Variants in PUS7L observed in about 807,000 individuals in gnomAD.
PUS7L encodes the protein pseudouridylate synthase PUS7L.
Under a neutral mutation model 51.1 loss-of-function variants are expected in PUS7L, and 49 were observed. The observed-to-expected ratio is 0.96, with a 90% CI of 0.76 to 1.22. The LOEUF is 1.22. PUS7L is among the 50% of genes most tolerant of loss of function. PUS7L has a pLI of 0.00. For synonymous variants in PUS7L, 277 were observed against 276.2 expected (o/e 1.00, Z -0.03); for missense variants, 828 against 820.6 (o/e 1.01, Z -0.11).
rs1235375159 is a variant in PUS7L at position 43,748,497 on chromosome 12, T to C, written c.1023A>G (p.Lys341=). 2 of 1,609,576 alleles carry C rather than the reference T, an allele frequency of 1.2e-6. No homozygotes were observed. The highest frequency in any genetic ancestry group is 1.7e-6 in the Non-Finnish European group (2 of 1,178,922). ...CAACCATTGCTTGATAGGTGATGGC[T>C]TTCTTGTCTTTAAGGCCTGCATAAC... The part of the protein sequence containing the change: ...DFSYAGLKDK[K]AITYQAMVVR... Residue 341 remains lysine (K), a synonymous_variant, in exon 3 of 9, where the codon AAA becomes AAG. Transcript: ENST00000344862.
rs1318287722 is a variant in PUS7L, at chr12:43,728,361, T to G, written c.*2015A>C. The G allele has an allele frequency of 6.6e-6, 1 of 152,032 alleles. No individual in the cohort carries two copies. The highest frequency in any genetic ancestry group is 1.5e-5 in the Non-Finnish European group (1 of 67,970). 9.4% of individuals were successfully genotyped at this position (152,032 alleles called of 1,614,324 possible). A position where few individuals can be genotyped will look rare whatever the true frequency, so the allele number is the denominator to read the frequency against. On this transcript the variant is annotated 3_prime_UTR_variant, in exon 9 of 9. Transcript: ENST00000344862. The stretch of plus-strand genomic sequence containing the variant: ...TAGTGCCATCTGCAGGCAAAAAAAG[T>G]AAAATCAATGATATATTTTCATGCT...
Position 43,754,769 on chromosome 12 carries a change from A to G in PUS7L, c.477T>C (p.Pro159=), listed in dbSNP as rs1468933691. ...CAAGGATTCTGCCTATTGAGAATTC[A>G]GGAGGTAGTCCAATTAGCTCTGTTT... ...LSKTELIGLP[P]EFSIGRILDK... is the part of the protein sequence containing the mutation. The change falls in exon 2 of 9, where the codon CCT becomes CCC. Residue 159 remains proline, a synonymous_variant. Transcript: ENST00000344862. 6.2e-7 allele frequency: 1 copy of G among 1,614,032 alleles called. No homozygotes were observed. The highest frequency in any genetic ancestry group is 1.7e-5 in the Admixed American group (1 of 60,028).
chr12:43,734,853 C>T (rs1017759181), intron 7 of PUS7L, among the ~76,000 whole-genome samples: 4 of 152,156 alleles, frequency 2.6e-5, no homozygotes, highest in African/African-American at 9.7e-5. Context: ...TTTACTGTTA[C>T]ATACGAAAGT....
intron 2 of PUS7L, among the ~76,000 whole-genome samples, chr12:43,751,901 G>C (rs1024523654): frequency 6.6e-6 from 1 of 152,136 alleles, no homozygotes; most frequent in African/African-American, 2.4e-5. Flanking sequence ...ATTCTAACTG[G>C]TGTGAGATGA....
intron 7 of PUS7L, among the ~76,000 whole-genome samples, chr12:43,732,745 A>G (rs1159522848): frequency 1.3e-5 from 2 of 152,188 alleles, no homozygotes; most frequent in Non-Finnish European, 2.9e-5. Flanking sequence ...ATTTCCCCTC[A>G]ACTCTCCCTA....
At chr12:43,736,781 C>T (rs1592163350) in intron 6 of PUS7L, 120 bp from the exon 7 acceptor site, 3 of 831,584 alleles carry the variant, frequency 3.6e-6, no homozygotes, top group Middle Eastern at 3.3e-4. Context: ...ATATTCAACA[C>T]TTTCAGTTAA....
intron 2 of PUS7L, among the ~76,000 whole-genome samples, chr12:43,752,936 C>T (rs558666225): frequency 7.9e-5 from 12 of 152,222 alleles, no homozygotes; most frequent in Non-Finnish European, 1.5e-4. Flanking sequence ...TTTGAACCAT[C>T]ATTCCTCCTT....
In PUS7L at chr12:43,729,148, TTTAC is replaced by T. The variant is rs1267137467; in HGVS notation, c.*1224_*1227del. 1.3e-5 allele frequency: 5 copies of T among 397,306 alleles called. No homozygotes were observed. The highest frequency in any genetic ancestry group is 1.8e-5 in the Non-Finnish European group (4 of 225,190). The allele number at this position is 397,306 out of a possible 1,614,324, so 24.6% of individuals were successfully genotyped here. ...TTACCATCAAGTTGATACACATCAT[TTTAC>T]TTACTTTAGTTACGTAATGCTGGAC... is the stretch of plus-strand genomic sequence containing the variant. On this transcript the variant is annotated 3_prime_UTR_variant, in exon 9 of 9. Coordinates refer to ENST00000344862, the MANE Select transcript of PUS7L (RefSeq NM_031292.5).
At position 43,730,062 on chromosome 12, in the gene PUS7L, T is replaced by C; in HGVS notation, c.*314A>G. 4.5e-6 allele frequency: 1 copy of C among 220,748 alleles called. No homozygotes were observed. The highest frequency in any genetic ancestry group is 1.5e-4 in the South Asian group (1 of 6,846). 13.7% of individuals were successfully genotyped at this position (220,748 alleles called of 1,614,324 possible). On this transcript the variant is annotated 3_prime_UTR_variant, in exon 9 of 9. Coordinates refer to ENST00000344862, the MANE Select transcript of PUS7L (RefSeq NM_031292.5). ...AATATTCACAACTTTTTTTCTTAAATGTTATCTTGCAGTATTATATATATT... is the reference window on the plus strand; with the variant it reads ...AATATTCACAACTTTTTTTCTTAAACGTTATCTTGCAGTATTATATATATT...
At chr12:43,743,864 G>A (rs550965464) in intron 4 of PUS7L, among the ~76,000 whole-genome samples, 6 of 152,146 alleles carry the variant, frequency 3.9e-5, no homozygotes, top group East Asian at 3.9e-4. Flanking sequence ...ATAAGATGAC[G>A]TCCTAGAGTA....
chr12:43,736,770 G>T, intron 6 of PUS7L, 109 bp from the exon 7 acceptor site: 2 of 912,890 alleles, frequency 2.2e-6, no homozygotes, highest in African/African-American at 1.7e-5. Flanking sequence ...GTATTAAGAT[G>T]ATATTCAACA....
intron 2 of PUS7L, among the ~76,000 whole-genome samples, chr12:43,750,133 G>A (rs566948031): frequency 7.2e-5 from 11 of 152,220 alleles, no homozygotes; most frequent in South Asian, 2.1e-4. Context: ...GCAGCCATTC[G>A]CCCTAACAAT....
chr12:43,743,669 A>C (rs1938017832), intron 4 of PUS7L, among the ~76,000 whole-genome samples: 2 of 152,124 alleles, frequency 1.3e-5, no homozygotes, highest in Admixed American at 1.3e-4. Flanking sequence ...AGGCTGGGGC[A>C]GGAGAATGGC....
intron 5 of PUS7L, chr12:43,738,721 GA>G (rs1937736613): frequency 3.8e-6 from 1 of 263,214 alleles, no homozygotes; most frequent in Admixed American, 5.1e-5. Flanking sequence ...TAAGAATTCT[GA>G]AAAGCTTAGG....
At chr12:43,731,560 C>A in intron 8 of PUS7L, 145 bp downstream of exon 8, 5 of 553,874 alleles carry the variant, frequency 9.0e-6, no homozygotes, top group Non-Finnish European at 1.3e-5. Flanking sequence ...CAATTGTAAA[C>A]TAAGTGAATT....
At chr12:43,747,448 C>T (rs1721308855) in intron 3 of PUS7L, among the ~76,000 whole-genome samples, 1 of 152,030 alleles carries the variant, frequency 6.6e-6, no homozygotes, top group African/African-American at 2.4e-5. Context: ...AATCCCAGCA[C>T]TTTGGGAGGC....
intron 7 of PUS7L, among the ~76,000 whole-genome samples, chr12:43,732,769 T>C (rs560028853): frequency 5.3e-5 from 8 of 152,358 alleles, no homozygotes; most frequent in Admixed American, 5.2e-4. Context: ...TTATCAATAA[T>C]GTTGCTCCTT....
chr12:43,734,794 T>C (rs1944644056), intron 7 of PUS7L, among the ~76,000 whole-genome samples: 1 of 152,150 alleles, frequency 6.6e-6, no homozygotes, highest in South Asian at 2.1e-4. Flanking sequence ...AAAATGGGAA[T>C]TAAAAAAGAG....
intron 3 of PUS7L, among the ~76,000 whole-genome samples, chr12:43,746,485 T>C (rs1020510311): frequency 6.6e-6 from 1 of 152,224 alleles, no homozygotes; most frequent in South Asian, 2.1e-4. Context: ...TCTTCCAGTG[T>C]AGGCCTTCTG....
Sources: allele counts gnomAD v4.1 joint callset (sites outside exome capture counted in the v4.1 genomes callset), GRCh38; gene constraint gnomAD v4.1.1; transcripts MANE v1.5; gene names NCBI Gene and HGNC (gene_info 2026-07-23, HGNC 2026-07-21).